The following SLC45A2 variants were observed in gnomAD, a reference collection of about 807,000 sequenced individuals.
The protein encoded by SLC45A2 is solute carrier family 45 member 2.
SLC45A2 carries 36 observed loss-of-function variants against 45.5 expected under a neutral mutation model. The ratio of observed to expected loss-of-function variants is 0.79; its 90% CI spans 0.61 to 1.04. The LOEUF (loss-of-function observed/expected upper bound fraction) is 1.04. Among genes scored for constraint, SLC45A2 ranks in the 50% least tolerant of loss-of-function variants. The pLI is 0.00. For missense variants in SLC45A2, 719 were observed against 671.0 expected (o/e 1.07, Z -0.79); for synonymous variants, 306 against 269.3 (o/e 1.14, Z -1.33).
At chr5:33,975,465 A>T (rs543793507) in intron 2 of SLC45A2, among the ~76,000 whole-genome samples, 2 of 152,354 alleles carry the variant, frequency 1.3e-5, no homozygotes, top group South Asian at 4.1e-4. Flanking sequence ...ACAAATGTGC[A>T]GATCAGGTAA....
At chr5:33,975,280 A>T (rs768673277) in intron 2 of SLC45A2, among the ~76,000 whole-genome samples, 1 of 152,260 alleles carries the variant, frequency 6.6e-6, no homozygotes, top group African/African-American at 2.4e-5. Flanking sequence ...AAACAGGGTT[A>T]TGTAACCCTC....
chr5:33,948,732 C>T (rs1240723818), intron 5 of SLC45A2, among the ~76,000 whole-genome samples: 2 of 152,156 alleles, frequency 1.3e-5, no homozygotes, highest in Non-Finnish European at 2.9e-5. Flanking sequence ...TATATTTATA[C>T]AGAAAATGTA....
chr5:33,950,644 T>C (rs1752070965), intron 5 of SLC45A2, among the ~76,000 whole-genome samples: 2 of 152,052 alleles, frequency 1.3e-5, no homozygotes, highest in Admixed American at 6.6e-5. Context: ...AGTGACAGAG[T>C]GAGTCCTCCT....
At chr5:33,975,208 A>C (rs1420685425) in intron 2 of SLC45A2, among the ~76,000 whole-genome samples, 1 of 152,246 alleles carries the variant, frequency 6.6e-6, no homozygotes, top group Non-Finnish European at 1.5e-5. Flanking sequence ...AGACAAAGTA[A>C]TTAAATGAGC....
chr5:33,947,165 C>G lies in SLC45A2; in HGVS notation c.1366G>C (p.Glu456Gln). The G allele has an allele frequency of 6.2e-7, 1 of 1,614,226 alleles. No individual in the cohort carries two copies. ...GCAGAGGTTCAATGACAGCACACCT[C>G]CTTTTCTTCCTCGCGGTGGTACTCA... ...ITEYHREEEKERQQAPGGDPD... is the reference protein window; with the variant it reads ...ITEYHREEEKQRQQAPGGDPD... Residue 456 changes from glutamate (E) to glutamine (Q), a missense_variant and splice_region_variant, in exon 6 of 7, where the codon GAG (glutamate) becomes CAG (glutamine). Physicochemically the swap from Glu to Gln is conservative, Grantham distance 29. Transcript: ENST00000296589.
At chr5:33,957,302 T>C (rs1423437821) in intron 3 of SLC45A2, among the ~76,000 whole-genome samples, 1 of 152,208 alleles carries the variant, frequency 6.6e-6, no homozygotes, top group Non-Finnish European at 1.5e-5. Context: ...CTGGCTAGTT[T>C]ATAAGACAGT....
chr5:33,977,368 A>G (rs1292289382), intron 2 of SLC45A2, among the ~76,000 whole-genome samples: 1 of 152,324 alleles, frequency 6.6e-6, no homozygotes, highest in Admixed American at 6.5e-5. Flanking sequence ...TGCAGCCTCA[A>G]TGGTCTCTTC....
intron 2 of SLC45A2, among the ~76,000 whole-genome samples, chr5:33,976,712 A>G (rs1165215535): frequency 6.6e-6 from 1 of 152,074 alleles, no homozygotes; most frequent in Non-Finnish European, 1.5e-5. Context: ...GGAACACAAT[A>G]CTCCAGTTCC....
In SLC45A2 at chr5:33,982,176, T is replaced by C. The variant is rs530544156; in HGVS notation, c.562+60A>G. On this transcript the variant is annotated intron_variant, in intron 2 of 6. Transcript: ENST00000296589. Reference sequence around the variant, plus strand: ...CACGTGTAGAGACACTGGATGGCTTTAGTGGAAGTGCCTCATTGTCTGGGG... The same window carrying C: ...CACGTGTAGAGACACTGGATGGCTTCAGTGGAAGTGCCTCATTGTCTGGGG... The C allele has an allele frequency of 5.0e-6, 8 of 1,589,144 alleles. No individual in the cohort carries two copies. The East Asian group carries it at 1.8e-4, about 36-fold the overall frequency.
chr5:33,979,491 A>C (rs1317863451), intron 2 of SLC45A2, among the ~76,000 whole-genome samples: 1 of 152,182 alleles, frequency 6.6e-6, no homozygotes, highest in Non-Finnish European at 1.5e-5. Context: ...TTCTATCCTA[A>C]ATCAGGAAAA....
At position 33,963,598 on chromosome 5, in the gene SLC45A2, G is replaced by A. The variant is rs375765926; in HGVS notation, c.888+93C>T. 3.6e-5 allele frequency: 52 copies of A among 1,451,500 alleles called. 2 individuals are homozygous for A. Among genetic ancestry groups the A allele is most frequent in the Admixed American group, 1.7e-4 (10 of 58,408 alleles). 89.9% of individuals were successfully genotyped at this position (1,451,500 alleles called of 1,614,324 possible). A position where few individuals can be genotyped will look rare whatever the true frequency, so the allele number is the denominator to read the frequency against. On this transcript the variant is annotated intron_variant, in intron 3 of 6. Coordinates refer to ENST00000296589, the MANE Select transcript of SLC45A2 (RefSeq NM_016180.5). The stretch of plus-strand genomic sequence containing the variant: ...AGTTAGACCCCATGAAACTCTTCTC[G>A]TCAAACAGACAAAACAAACAATTAA...
At chr5:33,954,072 G>A (rs914247469) in intron 4 of SLC45A2, among the ~76,000 whole-genome samples, 1 of 151,336 alleles carries the variant, frequency 6.6e-6, no homozygotes, top group Non-Finnish European at 1.5e-5. Context: ...AGTCCTGAGT[G>A]ACCTACAAAG....
In SLC45A2 at chr5:33,984,426, G is replaced by A. The variant is rs1314784958; in HGVS notation, c.158C>T (p.Ala53Val). 6.2e-7 allele frequency: 1 copy of A among 1,613,600 alleles called. No homozygotes were observed. Among genetic ancestry groups the A allele is most frequent in the Non-Finnish European group, 8.5e-7 (1 of 1,179,802 alleles). ...FGREFCYAVE[A>V]AYVTPVLLSV... ...GAGCAGGACTGGGGTCACATACGCTGCCTCCACCGCGTAGCAGAACTCTCT... is the reference window on the plus strand; with the variant it reads ...GAGCAGGACTGGGGTCACATACGCTACCTCCACCGCGTAGCAGAACTCTCT... Residue 53 changes from alanine (A) to valine (V), a missense_variant, in exon 1 of 7, where the codon GCA (alanine) becomes GTA (valine). Transcript: ENST00000296589.
Position 33,954,775 on chromosome 5 carries a change from G to A in SLC45A2, c.889-271C>T, listed in dbSNP as rs35389. ...AATGGTGCTAGCTTCAGGCCAAGGT[G>A]TAGGAGACATTGAGCATCCTATGTC... On this transcript the variant is annotated intron_variant, in intron 3 of 6. Transcript: ENST00000296589. 0.69 allele frequency among the ~76,000 whole-genome samples: 104,640 copies of A among 152,116 alleles called. 44,408 individuals carry two copies. The highest frequency in any genetic ancestry group is 0.97 in the Non-Finnish European group (65,877 of 68,010).
At chr5:33,950,005 T>C (rs767688731) in intron 5 of SLC45A2, among the ~76,000 whole-genome samples, 8 of 151,856 alleles carry the variant, frequency 5.3e-5, no homozygotes, top group Non-Finnish European at 1.0e-4. Context: ...CTGGGCAATG[T>C]AGGGAGACCC....
intron 2 of SLC45A2, among the ~76,000 whole-genome samples, chr5:33,977,504 G>T (rs545218389): frequency 1.1e-4 from 16 of 152,284 alleles, no homozygotes; most frequent in Admixed American, 9.2e-4. Context: ...CAGTTTCGAA[G>T]AGAATGAGGG....
At chr5:33,984,090 C>T in intron 1 of SLC45A2, 109 bp downstream of exon 1, 1 of 1,508,404 alleles carries the variant, frequency 6.6e-7, no homozygotes, top group African/African-American at 1.4e-5. Flanking sequence ...TAGGAGAGAT[C>T]AATTCTAACA....
intron 2 of SLC45A2, among the ~76,000 whole-genome samples, chr5:33,978,412 C>G (rs375801644): frequency 1.3e-5 from 2 of 152,082 alleles, no homozygotes; most frequent in Non-Finnish European, 2.9e-5. Flanking sequence ...AGAGAACCTC[C>G]TTCCCTTACC....
In SLC45A2 at chr5:33,975,872, C is replaced by T. The variant is rs143867562; in HGVS notation, c.562+6364G>A. Among the ~76,000 whole-genome samples the T allele has an allele frequency of 3.5e-3, 540 of 152,266 alleles. 2 individuals carry two copies. Among genetic ancestry groups the T allele is most frequent in the African/African-American group, 0.013 (524 of 41,532 alleles). On this transcript the variant is annotated intron_variant, in intron 2 of 6. Transcript: ENST00000296589. ...TCTTCATTTAAAGAGTGAATGTAGG[C>T]TCTTTCCCCATTCCCCCTTCCTTCT...
Sources: allele counts gnomAD v4.1 joint callset (sites outside exome capture counted in the v4.1 genomes callset), GRCh38; gene constraint gnomAD v4.1.1; transcripts MANE v1.5; gene names NCBI Gene and HGNC (gene_info 2026-07-23, HGNC 2026-07-21).